The following RAB3GAP2 variants were observed in gnomAD, a reference collection of about 807,000 sequenced individuals.
RAB3GAP2 encodes the protein rab3 GTPase-activating protein non-catalytic subunit.
A neutral mutation model predicts 185.3 loss-of-function variants in RAB3GAP2; 87 were observed. That is an observed-to-expected ratio of 0.47 (90% CI 0.39 to 0.56). The LOEUF (loss-of-function observed/expected upper bound fraction) is 0.56, where lower values mean the gene tolerates loss of function less well. RAB3GAP2 is among the 20% of genes least tolerant of loss of function. RAB3GAP2 has a pLI of 0.00. For synonymous variants in RAB3GAP2, 554 were observed against 576.1 expected (o/e 0.96, Z 0.55); for missense variants, 1,492 against 1,638.2 (o/e 0.91, Z 1.54).
chr1:220,153,316 A>C lies in RAB3GAP2; in HGVS notation c.3736T>G (p.Phe1246Val). ...DPTEEATPTP[F>V]GKDQDWPALA... is the part of the protein sequence containing the mutation. ...GCTGGCCAATCTTGGTCTTTCCCAA[A>C]AGGAGTGGGTGTGGCCTCTTCTGTG... The change falls in exon 33 of 35, where the codon TTT (phenylalanine) becomes GTT (valine). Residue 1246 changes from phenylalanine (F) to valine (V), a missense_variant. By Grantham distance (50) the Phe-to-Val change is conservative. Coordinates refer to ENST00000358951, the MANE Select transcript of RAB3GAP2 (RefSeq NM_012414.4). The C allele has an allele frequency of 6.2e-7, 1 of 1,614,190 alleles. No homozygotes were observed. Among genetic ancestry groups the C allele is most frequent in the Non-Finnish European group, 8.5e-7 (1 of 1,180,010 alleles).
At chr1:220,185,828 A>T in intron 17 of RAB3GAP2, 87 bp from the exon 18 acceptor site, 1 of 957,368 alleles carries the variant, frequency 1.0e-6, no homozygotes. Flanking sequence ...AACTTTCACT[A>T]CCCCAAATTT....
intron 10 of RAB3GAP2, 37 bp downstream of exon 10, chr1:220,196,213 G>A (rs1377619183): frequency 3.7e-6 from 6 of 1,601,294 alleles, no homozygotes; most frequent in Non-Finnish European, 5.1e-6. Flanking sequence ...GTAAAATCAA[G>A]AGCAGCCTTA....
At chr1:220,182,646 A>C (rs965141924) in intron 20 of RAB3GAP2, 72 bp downstream of exon 20, 10 of 1,288,886 alleles carry the variant, frequency 7.8e-6, no homozygotes, top group Middle Eastern at 2.8e-4. Flanking sequence ...AATCTCTGAG[A>C]TGCTATATGT....
At chr1:220,173,364 G>A (rs1457136339) in intron 21 of RAB3GAP2, among the ~76,000 whole-genome samples, 2 of 152,152 alleles carry the variant, frequency 1.3e-5, no homozygotes, top group African/African-American at 4.8e-5. Context: ...AGATAATTCT[G>A]GGATAATGAA....
rs931634022 is a variant in RAB3GAP2, at chr1:220,191,815, TA to T, written c.1271-532del. ...CCTGGGCAACAAGAGCGAAACTCTC[TA>T]AAAAAAAAAAAAAGAGAAAAGATTA... On this transcript the variant is annotated intron_variant, in intron 13 of 34. Transcript: ENST00000358951. 7.1e-3 allele frequency among the ~76,000 whole-genome samples: 943 copies of T among 132,742 alleles called. 5 individuals are homozygous for T. The highest frequency in any genetic ancestry group is 0.019 in the African/African-American group (671 of 36,190). The allele number at this position is 132,742 out of a possible 152,430, so 87.1% of individuals were successfully genotyped here.
chr1:220,167,947 C>T (rs764152137), intron 24 of RAB3GAP2, among the ~76,000 whole-genome samples: 1 of 152,134 alleles, frequency 6.6e-6, no homozygotes, highest in African/African-American at 2.4e-5. Flanking sequence ...GTCTATAAAC[C>T]ATATGCTTTC....
chr1:220,257,998 A>C (rs1221544922), intron 1 of RAB3GAP2, among the ~76,000 whole-genome samples: 4 of 152,154 alleles, frequency 2.6e-5, no homozygotes, highest in Admixed American at 1.3e-4. Context: ...TCTATAAAAA[A>C]TGGATAAATT....
At chr1:220,189,671 A>G in intron 17 of RAB3GAP2, 32 bp downstream of exon 17, 2 of 1,543,210 alleles carry the variant, frequency 1.3e-6, no homozygotes, top group South Asian at 1.2e-5. Context: ...TATAGCTACT[A>G]GCAGGAAAGT....
chr1:220,272,083 C>G (rs926250344), intron 1 of RAB3GAP2, 140 bp downstream of exon 1: 2 of 754,958 alleles, frequency 2.6e-6, no homozygotes, highest in Non-Finnish European at 4.7e-6. Flanking sequence ...GGTGTCATCC[C>G]GGAGCGGAGG....
intron 1 of RAB3GAP2, among the ~76,000 whole-genome samples, chr1:220,241,005 T>C (rs1373831303): frequency 6.6e-6 from 1 of 152,070 alleles, no homozygotes; most frequent in Non-Finnish European, 1.5e-5. Flanking sequence ...ATTTGATAAA[T>C]GAAACCTTCA....
chr1:220,192,592 C>T (rs1319265595), intron 13 of RAB3GAP2, among the ~76,000 whole-genome samples: 1 of 152,210 alleles, frequency 6.6e-6, no homozygotes, highest in African/African-American at 2.4e-5. Context: ...GTTGAAGGGA[C>T]TTCGGGGAAT....
intron 17 of RAB3GAP2, among the ~76,000 whole-genome samples, chr1:220,186,850 G>A (rs1305494808): frequency 6.6e-6 from 1 of 152,068 alleles, no homozygotes; most frequent in East Asian, 1.9e-4. Flanking sequence ...AAGAAAGATG[G>A]CATAAAAATG....
chr1:220,182,886 G>A lies in RAB3GAP2; in HGVS notation c.2044C>T (p.Leu682Phe), dbSNP rs1236127608. ...LRLDEKELLK[L>F]QALLEKYKQE... is the part of the protein sequence containing the mutation. The stretch of plus-strand genomic sequence containing the variant: ...TTATATTTCTCTAGTAATGCCTGGA[G>A]CTTAAGCAGTTCTTTTTCATCAAGC... Residue 682 changes from leucine to phenylalanine, a missense_variant, in exon 20 of 35, where the codon CTC becomes TTC. By Grantham distance (22) the Leu-to-Phe change is conservative. Coordinates refer to ENST00000358951, the MANE Select transcript of RAB3GAP2 (RefSeq NM_012414.4). 1 of 1,613,398 alleles carries A rather than the reference G, an allele frequency of 6.2e-7. No homozygotes were observed. Among genetic ancestry groups the A allele is most frequent in the Non-Finnish European group, 8.5e-7 (1 of 1,179,758 alleles).
At chr1:220,177,312 A>G (rs188196942) in intron 21 of RAB3GAP2, among the ~76,000 whole-genome samples, 133 of 152,388 alleles carry the variant, frequency 8.7e-4, no homozygotes, top group African/African-American at 3.1e-3. Flanking sequence ...CAGTCAGCTT[A>G]GAATCCCTGG....
intron 1 of RAB3GAP2, among the ~76,000 whole-genome samples, chr1:220,270,984 C>T (rs1660323743): frequency 6.6e-6 from 1 of 152,186 alleles, no homozygotes; most frequent in Non-Finnish European, 1.5e-5. Flanking sequence ...CATTTCAGGC[C>T]TCCCTTCCTC....
At chr1:220,259,676 G>A (rs1429017922) in intron 1 of RAB3GAP2, among the ~76,000 whole-genome samples, 1 of 152,040 alleles carries the variant, frequency 6.6e-6, no homozygotes, top group Non-Finnish European at 1.5e-5. Context: ...CAGGACATAG[G>A]CATGGGCAAA....
intron 2 of RAB3GAP2, among the ~76,000 whole-genome samples, chr1:220,226,827 T>C (rs1659411861): frequency 6.6e-6 from 1 of 152,124 alleles, no homozygotes; most frequent in African/African-American, 2.4e-5. Context: ...TGGTTGGACA[T>C]AGGGCCTTTA....
Position 220,202,329 on chromosome 1 carries a change from T to C in RAB3GAP2, c.758A>G (p.Tyr253Cys). The C allele has an allele frequency of 6.2e-7, 1 of 1,613,958 alleles. No individual in the cohort carries two copies. ...AATATCTTGTAGACCCCATTTCTTA[T>C]AAGCTAATGGTGGTGGTTGTATGTT... The part of the protein sequence containing the change: ...NENIQPPPLA[Y>C]KKWGLQDIDT... Residue 253 changes from tyrosine (Y) to cysteine (C), a missense_variant, in exon 9 of 35, where the codon TAT becomes TGT. By Grantham distance (194) the Tyr-to-Cys change is radical. This residue lies in a region of RAB3GAP2 where 243 missense variants were observed against 314.8 expected (regional missense o/e 0.77). Transcript: ENST00000358951.
In RAB3GAP2 at chr1:220,266,691, C is replaced by T. The variant is rs929068454; in HGVS notation, c.115+5532G>A. On this transcript the variant is annotated intron_variant, in intron 1 of 34. Transcript: ENST00000358951. ...GCAGCCCTGGCTCAAGGATTTCTCC[C>T]CCTGCACGATTCCTAAGAATACTTG... The T allele has an allele frequency of 2.2e-5, 34 of 1,556,270 alleles. No individual in the cohort carries two copies. In the African/African-American group the frequency reaches 4.2e-4, roughly 19 times the overall value.
Sources: gnomAD v4.1 joint callset for allele counts (sites outside exome capture counted in the v4.1 genomes callset) on GRCh38, gnomAD v4.1.1 for gene constraint, gnomAD v4.1.1 regional missense constraint, MANE v1.5 for transcripts, NCBI Gene and HGNC (gene_info 2026-07-23, HGNC 2026-07-21) for gene names.